The following HCN1 variants were observed in gnomAD, a reference collection of about 807,000 sequenced individuals.
HCN1 encodes potassium/sodium hyperpolarization-activated cyclic nucleotide-gated channel 1.
Under a neutral mutation model 78.9 loss-of-function variants are expected in HCN1, and 13 were observed. The observed-to-expected ratio is 0.16, with a 90% CI of 0.11 to 0.26. The LOEUF (loss-of-function observed/expected upper bound fraction) is 0.26. HCN1 is among the 10% of genes least tolerant of loss of function. The pLI is 1.00. For missense variants in HCN1, 810 were observed against 1,154.3 expected, an observed-to-expected ratio of 0.70 and a Z score of 4.32; for synonymous variants, 552 against 455.5, an observed-to-expected ratio of 1.21 and a Z score of -2.70.
intron 2 of HCN1, among the ~76,000 whole-genome samples, chr5:45,521,816 A>C (rs1358286985): frequency 6.6e-6 from 1 of 152,034 alleles, no homozygotes; most frequent in Admixed American, 6.6e-5. Flanking sequence ...GCAAAGATAC[A>C]GCTCCACAGT....
intron 2 of HCN1, among the ~76,000 whole-genome samples, chr5:45,572,938 G>C (rs1339858016): frequency 1.3e-5 from 2 of 152,080 alleles, no homozygotes. Flanking sequence ...TGGGTAGGGA[G>C]GAACATTTCA....
intron 2 of HCN1, among the ~76,000 whole-genome samples, chr5:45,514,216 G>GA (rs1219406448): frequency 2.6e-5 from 4 of 152,034 alleles, no homozygotes; most frequent in African/African-American, 7.2e-5. Flanking sequence ...AATTCTGATT[G>GA]AAAACCTAAT....
intron 1 of HCN1, among the ~76,000 whole-genome samples, chr5:45,676,502 T>C (rs1746269258): frequency 6.6e-6 from 1 of 151,616 alleles, no homozygotes; most frequent in Admixed American, 6.6e-5. Context: ...GCAAGATATG[T>C]TTGGAGCATG....
chr5:45,392,267 TA>T (rs1739582213), intron 4 of HCN1, among the ~76,000 whole-genome samples: 1 of 152,152 alleles, frequency 6.6e-6, no homozygotes, highest in Non-Finnish European at 1.5e-5. Flanking sequence ...TTAAAAAAAT[TA>T]AAAATGTATC....
chr5:45,473,306 A>G (rs1465357840), intron 2 of HCN1, among the ~76,000 whole-genome samples: 1 of 151,934 alleles, frequency 6.6e-6, no homozygotes, highest in Non-Finnish European at 1.5e-5. Flanking sequence ...TATACTGTCT[A>G]GTGATATTGG....
At position 45,445,005 on chromosome 5, in the gene HCN1, T is replaced by C. The variant is rs533240024; in HGVS notation, c.1011+16841A>G. ...ATTTCCATCTGAGGTACCAGGTTCA[T>C]CTCACTAGGGAGTGCCAGACAGTGG... is the stretch of plus-strand genomic sequence containing the variant. On this transcript the variant is annotated intron_variant, in intron 3 of 7. Coordinates refer to ENST00000303230, the MANE Select transcript of HCN1 (RefSeq NM_021072.4). 1.3e-4 allele frequency among the ~76,000 whole-genome samples: 20 copies of C among 152,254 alleles called. 1 individual carries two copies. The highest frequency in any genetic ancestry group is 4.8e-4 in the African/African-American group (20 of 41,566).
At chr5:45,565,517 G>C (rs2111890305) in intron 2 of HCN1, among the ~76,000 whole-genome samples, 1 of 152,204 alleles carries the variant, frequency 6.6e-6, no homozygotes, top group Admixed American at 6.5e-5. Context: ...TTATAAAAGA[G>C]TGGTAAAAAT....
intron 1 of HCN1, among the ~76,000 whole-genome samples, chr5:45,689,513 TA>T: frequency 6.6e-6 from 1 of 152,184 alleles, no homozygotes; most frequent in East Asian, 1.9e-4. Flanking sequence ...AATGGAAATC[TA>T]AAAGATGAGT....
chr5:45,303,856 T>A lies in HCN1; in HGVS notation c.1378-17A>T. ...GACTATCTCCTAAAGATGTCAAGAG[T>A]AAACAAATATTAAGAGAGATATTAA... On this transcript the variant is annotated splice_polypyrimidine_tract_variant and intron_variant, in intron 5 of 7. Transcript: ENST00000303230. 1 of 1,605,784 alleles carries A rather than the reference T, an allele frequency of 6.2e-7. No homozygotes were observed. Among genetic ancestry groups the A allele is most frequent in the Non-Finnish European group, 8.5e-7 (1 of 1,172,778 alleles).
rs16902190 is a variant in HCN1, at chr5:45,630,098, G to C, written c.849+15087C>G. On this transcript the variant is annotated intron_variant, in intron 2 of 7. Coordinates refer to ENST00000303230, the MANE Select transcript of HCN1 (RefSeq NM_021072.4). ...GCTTTCTAAGCACCTTGTGAGCTTG[G>C]GAGGGAGATCATATGGTAGCACCAT... 5.0e-3 allele frequency among the ~76,000 whole-genome samples: 759 copies of C among 152,208 alleles called. 4 individuals carry two copies. The highest frequency in any genetic ancestry group is 0.017 in the African/African-American group (725 of 41,508).
chr5:45,279,087 A>G (rs1386956156), intron 6 of HCN1, among the ~76,000 whole-genome samples: 1 of 152,192 alleles, frequency 6.6e-6, no homozygotes, highest in Non-Finnish European at 1.5e-5. Context: ...AGGCAAATAA[A>G]ATCTGGAAAG....
chr5:45,371,788 C>A (rs1747368530), intron 4 of HCN1, among the ~76,000 whole-genome samples: 1 of 139,560 alleles, frequency 7.2e-6, no homozygotes. Context: ...TATGTACACA[C>A]ACACATACAC....
At chr5:45,454,770 A>G (rs1740990486) in intron 3 of HCN1, among the ~76,000 whole-genome samples, 1 of 152,072 alleles carries the variant, frequency 6.6e-6, no homozygotes, top group Non-Finnish European at 1.5e-5. Flanking sequence ...TTGCCCTTAA[A>G]TATTTGATAG....
chr5:45,262,276 G>C lies in HCN1; in HGVS notation c.2318C>G (p.Ala773Gly). The change falls in exon 8 of 8, where the codon GCG (alanine) becomes GGG (glycine). Residue 773 changes from alanine to glycine, a missense_variant. This residue lies in a region of HCN1 where 398 missense variants were observed against 381.3 expected (regional missense o/e 1.04). Transcript: ENST00000303230. ...PKNEVHKSTQALHNTNLTREV... is the reference protein window; with the variant it reads ...PKNEVHKSTQGLHNTNLTREV... ...CCGGGTCAGGTTGGTGTTGTGAAGCGCCTGCGTGCTCTTGTGCACTTCATT... is the reference window on the plus strand; with the variant it reads ...CCGGGTCAGGTTGGTGTTGTGAAGCCCCTGCGTGCTCTTGTGCACTTCATT... 1.2e-6 allele frequency: 2 copies of C among 1,614,000 alleles called. No homozygotes were observed. The highest frequency in any genetic ancestry group is 8.5e-7 in the Non-Finnish European group (1 of 1,180,024).
chr5:45,266,212 T>A (rs112933280), intron 7 of HCN1, among the ~76,000 whole-genome samples: 34 of 152,254 alleles, frequency 2.2e-4, no homozygotes, highest in African/African-American at 2.9e-4. Flanking sequence ...ATATATATAT[T>A]TTTTTATTTG....
chr5:45,556,637 TG>T (rs1226684004), intron 2 of HCN1, among the ~76,000 whole-genome samples: 5 of 151,946 alleles, frequency 3.3e-5, no homozygotes, highest in African/African-American at 1.2e-4. Context: ...GATGCAAAGA[TG>T]AATGTTTTAG....
At chr5:45,416,638 C>CTA (rs1350439632) in intron 3 of HCN1, among the ~76,000 whole-genome samples, 1 of 151,876 alleles carries the variant, frequency 6.6e-6, no homozygotes, top group Non-Finnish European at 1.5e-5. Context: ...ATACACAGTA[C>CTA]TATATATATG....
chr5:45,475,303 T>C (rs545451610), intron 2 of HCN1, among the ~76,000 whole-genome samples: 3 of 152,164 alleles, frequency 2.0e-5, no homozygotes, highest in South Asian at 4.2e-4. Context: ...ATTTTTAAAA[T>C]ATTGATGGAT....
intron 1 of HCN1, among the ~76,000 whole-genome samples, chr5:45,687,145 T>C (rs1442726361): frequency 2.0e-5 from 3 of 152,218 alleles, no homozygotes; most frequent in Non-Finnish European, 4.4e-5. Context: ...CACTTCTTGA[T>C]ATGTAACTTT....
Sources: allele counts gnomAD v4.1 joint callset (sites outside exome capture counted in the v4.1 genomes callset), GRCh38; gene constraint gnomAD v4.1.1; regional missense constraint gnomAD v4.1.1; transcripts MANE v1.5; gene names NCBI Gene and HGNC (gene_info 2026-07-23, HGNC 2026-07-21).